Variants in ZNF79 observed in about 807,000 individuals in gnomAD.
ZNF79 encodes the protein ZNFpT7.
ZNF79 carries 13 observed loss-of-function variants against 14.9 expected under a neutral mutation model. That is an observed-to-expected ratio of 0.87 (90% CI 0.57 to 1.38). The LOEUF (loss-of-function observed/expected upper bound fraction) is 1.38. Among genes scored for constraint, ZNF79 ranks in the 40% most tolerant of loss-of-function variants. The probability of loss-of-function intolerance (pLI) is 0.00; values close to 1 mark genes in which losing one functional copy is unlikely to be tolerated. For synonymous variants in ZNF79, 223 were observed against 235.1 expected (o/e 0.95, Z 0.47); for missense variants, 631 against 630.6 (o/e 1.00, Z -0.01).
At chr9:127,435,274 T>C in intron 3 of ZNF79, 58 bp downstream of exon 3, 1 of 1,527,150 alleles carries the variant, frequency 6.5e-7, no homozygotes, top group South Asian at 1.3e-5. Flanking sequence ...TCTGTGGCAC[T>C]TGCTTTCCAG....
intron 4 of ZNF79, among the ~76,000 whole-genome samples, chr9:127,443,221 G>A (rs1237150374): frequency 6.6e-6 from 1 of 151,660 alleles, no homozygotes; most frequent in Non-Finnish European, 1.5e-5. Context: ...CAGGAGGGTC[G>A]CTTGAGTCCA....
rs536381862 is a variant in ZNF79 at position 127,432,296 on chromosome 9, C to T, written c.106-2794C>T. Among the ~76,000 whole-genome samples the T allele has an allele frequency of 4.7e-4, 71 of 151,836 alleles. No homozygotes were observed. The South Asian group carries it at 5.4e-3, about 12-fold the overall frequency. On this transcript the variant is annotated intron_variant, in intron 2 of 4. Coordinates refer to ENST00000342483, the MANE Select transcript of ZNF79 (RefSeq NM_007135.3). ...CCGAGTAGCTGGGAATACAGGCGTC[C>T]GCCACCACACCCGGCTAATTTTTTT...
rs1399397769 is a variant in ZNF79 at position 127,443,943 on chromosome 9, G to A, written c.329-86G>A. The A allele has an allele frequency of 7.7e-6, 8 of 1,037,660 alleles. No homozygotes were observed. In the Admixed American group the frequency reaches 1.2e-4, roughly 16 times the overall value. 64.3% of individuals were successfully genotyped at this position (1,037,660 alleles called of 1,614,324 possible). On this transcript the variant is annotated intron_variant, in intron 4 of 4. Coordinates refer to ENST00000342483, the MANE Select transcript of ZNF79 (RefSeq NM_007135.3). Reference sequence around the variant, plus strand: ...AAAAAGGAGATGAGTCATCAAACCTGTGTGTGTAAGAGCTTGGCCAGACTC... The same window carrying A: ...AAAAAGGAGATGAGTCATCAAACCTATGTGTGTAAGAGCTTGGCCAGACTC...
chr9:127,440,871 A>T (rs1353248698), intron 4 of ZNF79, among the ~76,000 whole-genome samples: 1 of 152,120 alleles, frequency 6.6e-6, no homozygotes, highest in Non-Finnish European at 1.5e-5. Flanking sequence ...TGGCCTGAAC[A>T]GTTGGGTAAG....
rs367896289 is a variant in ZNF79 at position 127,428,908 on chromosome 9, A to G, written c.93A>G (p.Thr31=). 9.4e-6 allele frequency: 15 copies of G among 1,588,946 alleles called. No individual in the cohort carries two copies. The highest frequency in any genetic ancestry group is 1.7e-5 in the Admixed American group (1 of 57,592). The change falls in exon 2 of 5, where the codon ACA becomes ACG. Residue 31 remains threonine, a synonymous_variant. Coordinates refer to ENST00000342483, the MANE Select transcript of ZNF79 (RefSeq NM_007135.3). ...GEEGMAAGLL[T]AGPRGSTFFS... ...AAGGAATGGCTGCTGGTCTCCTCAC[A>G]GCTGGGCCCCGGGTAAGTTGGAAAT...
intron 2 of ZNF79, among the ~76,000 whole-genome samples, chr9:127,431,119 G>T (rs143024926): frequency 1.3e-5 from 2 of 152,048 alleles, no homozygotes; most frequent in African/African-American, 4.8e-5. Flanking sequence ...GCTTTTTAAC[G>T]TGGTTATTTG....
chr9:127,430,824 T>C (rs1287952405), intron 2 of ZNF79, among the ~76,000 whole-genome samples: 1 of 152,250 alleles, frequency 6.6e-6, no homozygotes, highest in Non-Finnish European at 1.5e-5. Context: ...ATGGTAGCTC[T>C]GTTTTAAGTT....
At chr9:127,443,688 T>A (rs1834091289) in intron 4 of ZNF79, among the ~76,000 whole-genome samples, 1 of 151,976 alleles carries the variant, frequency 6.6e-6, no homozygotes, top group African/African-American at 2.4e-5. Context: ...GATCACGAGG[T>A]CAGGAAATCG....
rs1194895307 is a variant in ZNF79 at position 127,424,825 on chromosome 9, G to T, written c.16+22G>T. The T allele has an allele frequency of 2.5e-6, 4 of 1,613,704 alleles. No individual in the cohort carries two copies. In the Admixed American group the frequency reaches 5.0e-5, roughly 20 times the overall value. Reference sequence around the variant, plus strand: ...GGAGGTGAGGAGTGGTAGAGGGAGCGATTGTCAAGAGATCGGCTGCTGCTT... The same window carrying T: ...GGAGGTGAGGAGTGGTAGAGGGAGCTATTGTCAAGAGATCGGCTGCTGCTT... On this transcript the variant is annotated intron_variant, in intron 1 of 4. Transcript: ENST00000342483.
chr9:127,441,258 C>T (rs1834042836), intron 4 of ZNF79, among the ~76,000 whole-genome samples: 1 of 152,074 alleles, frequency 6.6e-6, no homozygotes, highest in African/African-American at 2.4e-5. Context: ...CTACTTAATG[C>T]TTTAGGATGG....
intron 3 of ZNF79, 57 bp from the exon 4 acceptor site, chr9:127,435,851 G>T: frequency 3.6e-6 from 5 of 1,408,374 alleles, no homozygotes; most frequent in South Asian, 2.3e-5. Context: ...CCTGAGTTCT[G>T]GGTGGCTGTT....
chr9:127,430,372 A>G (rs979656872), intron 2 of ZNF79, among the ~76,000 whole-genome samples: 32 of 152,146 alleles, frequency 2.1e-4, no homozygotes, highest in Admixed American at 1.2e-3. Flanking sequence ...TCACTCAGGT[A>G]GGGAGCATAG....
In ZNF79 at chr9:127,445,174, C is replaced by G; in HGVS notation, c.1474C>G (p.Gln492Glu). The G allele has an allele frequency of 1.9e-6, 3 of 1,614,148 alleles. No individual in the cohort carries two copies. Among genetic ancestry groups the G allele is most frequent in the African/African-American group, 1.3e-5 (1 of 75,052 alleles). The change falls in exon 5 of 5, where the codon CAG (glutamine) becomes GAG (glutamate). Residue 492 changes from glutamine (Q) to glutamate (E), a missense_variant. By Grantham distance (29) the Gln-to-Glu change is conservative (BLOSUM62 2). Coordinates refer to ENST00000342483, the MANE Select transcript of ZNF79 (RefSeq NM_007135.3). ...FRCSSAFVRH[Q>E]RLHAGE ...GTGCAGCTCTGCCTTCGTTAGACAT[C>G]AGAGACTCCACGCCGGAGAGTAACT...
rs565175666 is a variant in ZNF79 at position 127,444,516 on chromosome 9, C to T, written c.816C>T (p.Thr272=). Residue 272 remains threonine, a synonymous_variant, in exon 5 of 5, where the codon ACC becomes ACT. Transcript: ENST00000342483. The part of the protein sequence containing the change: ...ANLTKHQRTH[T]GEKPYRCSEC... ...TCACCAAACACCAGCGAACCCACAC[C>T]GGAGAGAAGCCCTACAGATGCAGCG... is the stretch of plus-strand genomic sequence containing the variant. 127 of 1,611,276 alleles carry T rather than the reference C, an allele frequency of 7.9e-5. 1 individual carries two copies. The South Asian group carries it at 1.2e-3, about 15-fold the overall frequency.
chr9:127,426,267 C>T (rs1296597068), intron 1 of ZNF79, among the ~76,000 whole-genome samples: 1 of 152,164 alleles, frequency 6.6e-6, no homozygotes, highest in African/African-American at 2.4e-5. Context: ...AGCAGTGACT[C>T]CCCAGTCCCT....
rs116916922 is a variant in ZNF79, at chr9:127,431,559, C to A, written c.105+2639C>A. Among the ~76,000 whole-genome samples the A allele has an allele frequency of 2.6e-4, 40 of 152,236 alleles. 1 individual carries two copies. The East Asian group carries it at 7.3e-3, about 28-fold the overall frequency. On this transcript the variant is annotated intron_variant, in intron 2 of 4. Coordinates refer to ENST00000342483, the MANE Select transcript of ZNF79 (RefSeq NM_007135.3). ...CCACTGTGCCTGACCCTAATAGTTT[C>A]TTTTGCTGTATAGAAGCTTTTTAGT...
rs767281980 is a variant in ZNF79, at chr9:127,445,223, A to T, written c.*26A>T. On this transcript the variant is annotated 3_prime_UTR_variant, in exon 5 of 5. Transcript: ENST00000342483. ...CTAGGAACATGGTAGAAGTGGAGAG[A>T]GTCCCGGACATGCCGACTCAGGACA... 89 of 1,606,178 alleles carry T rather than the reference A, an allele frequency of 5.5e-5. No individual in the cohort carries two copies. The Middle Eastern group carries it at 9.9e-4, about 18-fold the overall frequency.
rs184759714 is a variant in ZNF79, at chr9:127,435,101, C to A, written c.117C>A (p.Phe39Leu). Residue 39 changes from phenylalanine to leucine, a missense_variant, in exon 3 of 5, where the codon TTC becomes TTA. By Grantham distance (22) the Phe-to-Leu change is conservative (BLOSUM62 0). Coordinates refer to ENST00000342483, the MANE Select transcript of ZNF79 (RefSeq NM_007135.3). Reference protein sequence around the residue: ...LLTAGPRGSTFFSSVTVAFAQ... With the variant: ...LLTAGPRGSTLFSSVTVAFAQ... ...GCTTGTTTTTTCAGGGATCCACATT[C>A]TTCAGCAGTGTGACGGTAGCTTTTG... 6.2e-6 allele frequency: 10 copies of A among 1,611,452 alleles called. No individual in the cohort carries two copies. Among genetic ancestry groups the A allele is most frequent in the Non-Finnish European group, 3.4e-6 (4 of 1,178,856 alleles).
At chr9:127,427,762 T>A (rs897265471) in intron 1 of ZNF79, among the ~76,000 whole-genome samples, 1 of 152,118 alleles carries the variant, frequency 6.6e-6, no homozygotes, top group African/African-American at 2.4e-5. Flanking sequence ...GATCTCGAAC[T>A]CTTGGGCTCC....
Sources: gnomAD v4.1 joint callset for allele counts (sites outside exome capture counted in the v4.1 genomes callset) on GRCh38, gnomAD v4.1.1 for gene constraint, MANE v1.5 for transcripts, NCBI Gene and HGNC (gene_info 2026-07-23, HGNC 2026-07-21) for gene names.